NRXN1: variants seen among roughly 807,000 people sequenced by gnomAD.
NRXN1 encodes the protein neurexin 1.
In NRXN1, 39 loss-of-function variants were observed where a neutral mutation model predicts 150.9. The observed-to-expected ratio is 0.26, with a 90% CI of 0.20 to 0.34. NRXN1 has a LOEUF of 0.34. Ranked by LOEUF, NRXN1 falls within the 10% of genes least tolerant of loss-of-function variation. The pLI is 1.00. For synonymous variants in NRXN1, 924 were observed against 757.0 expected (o/e 1.22, Z -3.62); for missense variants, 1,815 against 1,949.9 (o/e 0.93, Z 1.30).
intron 2 of NRXN1, among the ~76,000 whole-genome samples, chr2:50,935,572 C>G (rs533808860): frequency 6.6e-6 from 1 of 152,076 alleles, no homozygotes; most frequent in Admixed American, 6.6e-5. Context: ...CTTAAAAATA[C>G]AAAAATTAGC....
chr2:50,557,469 T>G (rs1199559353), intron 8 of NRXN1, among the ~76,000 whole-genome samples: 2 of 152,186 alleles, frequency 1.3e-5, no homozygotes, highest in East Asian at 3.9e-4. Flanking sequence ...TTGTGGCTAA[T>G]AAGGAGTGAG....
At chr2:50,491,508 G>C (rs2091251898) in intron 15 of NRXN1, among the ~76,000 whole-genome samples, 1 of 152,176 alleles carries the variant, frequency 6.6e-6, no homozygotes, top group Non-Finnish European at 1.5e-5. Context: ...GGAATACTAG[G>C]AAGGTTGAGG....
chr2:50,362,146 C>T (rs1220281891), intron 17 of NRXN1, among the ~76,000 whole-genome samples: 1 of 152,096 alleles, frequency 6.6e-6, no homozygotes. Context: ...AAATATCATA[C>T]TGAAGGGGCA....
At chr2:50,789,062 A>G (rs1705566677) in intron 5 of NRXN1, among the ~76,000 whole-genome samples, 1 of 152,212 alleles carries the variant, frequency 6.6e-6, no homozygotes, top group African/African-American at 2.4e-5. Context: ...GTAGGTCCAA[A>G]CAAACCAAAA....
chr2:50,275,888 T>C (rs952939726), intron 17 of NRXN1, among the ~76,000 whole-genome samples: 1 of 151,852 alleles, frequency 6.6e-6, no homozygotes, highest in Non-Finnish European at 1.5e-5. Context: ...TCAAAAGCCA[T>C]GTTTGTTTAA....
At chr2:50,541,640 C>T (rs1018100626) in intron 9 of NRXN1, among the ~76,000 whole-genome samples, 16 of 151,958 alleles carry the variant, frequency 1.1e-4, no homozygotes, top group African/African-American at 3.6e-4. Flanking sequence ...TTTCTGAACA[C>T]GGTCATAGAG....
chr2:50,988,404 C>A (rs898003102), intron 2 of NRXN1, among the ~76,000 whole-genome samples: 1 of 151,910 alleles, frequency 6.6e-6, no homozygotes, highest in Admixed American at 6.6e-5. Flanking sequence ...ATGGCTTTTA[C>A]TACTATGACA....
chr2:50,606,630 T>TAATAATAATAATAAA (rs1309661805), intron 8 of NRXN1, among the ~76,000 whole-genome samples: 33 of 150,444 alleles, frequency 2.2e-4, no homozygotes, highest in African/African-American at 7.3e-4. Flanking sequence ...ATAATAATAA[T>TAATAATAATAATAAA]AAAATAAAAC....
Position 50,192,537 on chromosome 2 carries a change from T to C in NRXN1, c.3546+44252A>G, listed in dbSNP as rs117154604. 1.5e-3 allele frequency among the ~76,000 whole-genome samples: 226 copies of C among 151,740 alleles called. 4 individuals carry two copies. In the East Asian group the frequency reaches 0.034, roughly 23 times the overall value. The stretch of plus-strand genomic sequence containing the variant: ...AGGTTACAAAATAGTTTACATAATA[T>C]AATTATATTTTTGTAAAATGATACC... On this transcript the variant is annotated intron_variant, in intron 18 of 22. Transcript: ENST00000401669.
At chr2:50,465,173 G>GA (rs1318538126) in intron 17 of NRXN1, among the ~76,000 whole-genome samples, 3 of 151,700 alleles carry the variant, frequency 2.0e-5, no homozygotes, top group African/African-American at 7.3e-5. Context: ...TATTGGAAAT[G>GA]AAAAACATTC....
At chr2:50,882,728 A>G (rs1484335967) in intron 5 of NRXN1, among the ~76,000 whole-genome samples, 2 of 151,882 alleles carry the variant, frequency 1.3e-5, no homozygotes, top group South Asian at 2.1e-4. Flanking sequence ...TGAAATTCAT[A>G]GCATTTCTTA....
intron 21 of NRXN1, chr2:50,023,073 T>A (rs899909251): frequency 2.0e-5 from 3 of 152,196 alleles, no homozygotes; most frequent in Admixed American, 6.5e-5. Flanking sequence ...CTGAAGATAG[T>A]GATTTGCAGC....
At chr2:50,166,555 C>T (rs894819400) in intron 18 of NRXN1, among the ~76,000 whole-genome samples, 4 of 152,066 alleles carry the variant, frequency 2.6e-5, no homozygotes, top group African/African-American at 4.8e-5. Context: ...GCAAGTTGAG[C>T]TCCCACAGAC....
chr2:50,061,273 G>T (rs1270290765), intron 19 of NRXN1, among the ~76,000 whole-genome samples: 1 of 152,040 alleles, frequency 6.6e-6, no homozygotes, highest in African/African-American at 2.4e-5. Context: ...CAATATAAAG[G>T]ATATAAACCA....
intron 5 of NRXN1, among the ~76,000 whole-genome samples, chr2:50,626,625 T>C (rs1343788896): frequency 2.6e-5 from 4 of 151,932 alleles, no homozygotes; most frequent in South Asian, 4.1e-4. Flanking sequence ...CAATTCTACA[T>C]GGATGCCCGA....
intron 5 of NRXN1, among the ~76,000 whole-genome samples, chr2:50,711,159 G>A (rs1225222997): frequency 6.6e-6 from 1 of 151,994 alleles, no homozygotes; most frequent in African/African-American, 2.4e-5. Flanking sequence ...TCTACTGCAA[G>A]GCTCTATCTA....
At chr2:50,885,370 G>A (rs1469162055) in intron 5 of NRXN1, among the ~76,000 whole-genome samples, 1 of 146,734 alleles carries the variant, frequency 6.8e-6, no homozygotes, top group African/African-American at 2.5e-5. Flanking sequence ...AGTTAAACTT[G>A]CTAACCATAA....
intron 5 of NRXN1, among the ~76,000 whole-genome samples, chr2:50,849,632 A>G (rs934585106): frequency 2.0e-5 from 3 of 152,110 alleles, no homozygotes; most frequent in African/African-American, 4.8e-5. Flanking sequence ...TCCTCTTGCA[A>G]TAGTCTTGAT....
intron 17 of NRXN1, among the ~76,000 whole-genome samples, chr2:50,313,177 C>G (rs2075317701): frequency 6.6e-6 from 1 of 151,956 alleles, no homozygotes; most frequent in African/African-American, 2.4e-5. Context: ...TCTAATATGT[C>G]TAGAATTATC....
Sources: gnomAD v4.1 joint callset for allele counts (sites outside exome capture counted in the v4.1 genomes callset) on GRCh38, gnomAD v4.1.1 for gene constraint, MANE v1.5 for transcripts, NCBI Gene and HGNC (gene_info 2026-07-23, HGNC 2026-07-21) for gene names.